The following BCAS3 variants were observed in gnomAD, a reference collection of about 807,000 sequenced individuals.
BCAS3 encodes the protein BCAS3 microtubule associated cell migration factor.
In BCAS3, 53 loss-of-function variants were observed where a neutral mutation model predicts 116.1. That is an observed-to-expected ratio of 0.46 (90% CI 0.37 to 0.57). BCAS3 has a LOEUF of 0.57. Ranked by LOEUF, BCAS3 falls within the 20% of genes least tolerant of loss-of-function variation. BCAS3 has a pLI of 0.00. For missense variants in BCAS3, 917 were observed against 1,165.4 expected (o/e 0.79, Z 3.10); for synonymous variants, 391 against 408.2 (o/e 0.96, Z 0.51).
intron 7 of BCAS3, among the ~76,000 whole-genome samples, chr17:60,809,345 G>A (rs927223023): frequency 1.3e-5 from 2 of 151,634 alleles, no homozygotes; most frequent in Admixed American, 1.3e-4. Flanking sequence ...AACAACTATT[G>A]CAGTACTCTG....
intron 22 of BCAS3, among the ~76,000 whole-genome samples, chr17:61,237,199 T>C (rs2144480357): frequency 6.6e-6 from 1 of 152,284 alleles, no homozygotes; most frequent in Non-Finnish European, 1.5e-5. Flanking sequence ...ACTCTGCAGC[T>C]AGCAAGGGGA....
chr17:61,081,109 T>C (rs1185321536), intron 21 of BCAS3, among the ~76,000 whole-genome samples: 1 of 152,254 alleles, frequency 6.6e-6, no homozygotes, highest in Non-Finnish European at 1.5e-5. Context: ...AACAGTCATT[T>C]GGTTATTTAA....
chr17:61,237,332 G>A (rs780179716), intron 22 of BCAS3, among the ~76,000 whole-genome samples: 39 of 152,196 alleles, frequency 2.6e-4, no homozygotes, highest in Non-Finnish European at 4.0e-4. Flanking sequence ...TCTGTAAAAT[G>A]CACCAATCAG....
chr17:61,137,694 G>A (rs981058860), intron 22 of BCAS3, among the ~76,000 whole-genome samples: 10 of 152,192 alleles, frequency 6.6e-5, no homozygotes, highest in Non-Finnish European at 1.3e-4. Flanking sequence ...ACTTGAACCC[G>A]GAAGGCAGAG....
intron 22 of BCAS3, among the ~76,000 whole-genome samples, chr17:61,100,574 G>GT (rs1029598924): frequency 3.3e-5 from 5 of 152,122 alleles, no homozygotes; most frequent in African/African-American, 1.2e-4. Flanking sequence ...GTTGGGTATT[G>GT]TTTTTCATTC....
At chr17:60,681,204 TA>T (rs1263447291) in intron 2 of BCAS3, among the ~76,000 whole-genome samples, 1 of 151,698 alleles carries the variant, frequency 6.6e-6, no homozygotes, top group Admixed American at 6.6e-5. Context: ...GACTGTGTCT[TA>T]AAAAAAATAT....
intron 19 of BCAS3, among the ~76,000 whole-genome samples, chr17:61,066,280 C>A (rs562885396): frequency 6.6e-6 from 1 of 152,234 alleles, no homozygotes; most frequent in African/African-American, 2.4e-5. Context: ...AAGGGTAGAA[C>A]AAGAAGAACA....
intron 13 of BCAS3, among the ~76,000 whole-genome samples, chr17:60,931,963 CT>C (rs1292562824): frequency 6.6e-6 from 1 of 151,980 alleles, no homozygotes; most frequent in African/African-American, 2.4e-5. Context: ...GGTCTAGCTA[CT>C]TGGGAGGCTG....
chr17:60,984,683 TA>T (rs1353087615), intron 14 of BCAS3, among the ~76,000 whole-genome samples: 1 of 151,944 alleles, frequency 6.6e-6, no homozygotes, highest in African/African-American at 2.4e-5. Context: ...GGGTACATAG[TA>T]GGTAGTTATA....
intron 21 of BCAS3, 54 bp downstream of exon 21, chr17:61,078,583 T>G (rs1357310059): frequency 6.9e-7 from 1 of 1,450,434 alleles, no homozygotes; most frequent in East Asian, 2.3e-5. Context: ...TATGTTCGTG[T>G]GAAATGAGCA....
rs67077498 is a variant in BCAS3 at position 60,814,269 on chromosome 17, T to TTGTGTG, written c.476+6226_476+6231dup. Among the ~76,000 whole-genome samples, 578 of 134,916 alleles carry TTGTGTG rather than the reference T, an allele frequency of 4.3e-3. 3 individuals carry two copies. Among genetic ancestry groups the TTGTGTG allele is most frequent in the Non-Finnish European group, 7.1e-3 (459 of 64,246 alleles). 88.5% of individuals were successfully genotyped at this position (134,916 alleles called of 152,430 possible). A position where few individuals can be genotyped will look rare whatever the true frequency, so the allele number is the denominator to read the frequency against. ...TTCATTAGATGTATTTCTTGGTATTTTGTGTGTGTGTGTGTGTGTGTGTGT... is the reference window on the plus strand; with the variant it reads ...TTCATTAGATGTATTTCTTGGTATTTTGTGTGTGTGTGTGTGTGTGTGTGTGTGTGT... On this transcript the variant is annotated intron_variant, in intron 7 of 23. Transcript: ENST00000407086.
chr17:60,771,025 C>G (rs1421522856), intron 6 of BCAS3, among the ~76,000 whole-genome samples: 1 of 151,448 alleles, frequency 6.6e-6, no homozygotes, highest in African/African-American at 2.4e-5. Context: ...CATGGCTGCT[C>G]TTGAACTCCT....
intron 22 of BCAS3, among the ~76,000 whole-genome samples, chr17:61,351,981 C>A (rs932572673): frequency 6.6e-6 from 1 of 152,210 alleles, no homozygotes; most frequent in South Asian, 2.1e-4. Flanking sequence ...TTTGCCAGCT[C>A]GTTGAGCTGT....
Position 60,956,026 on chromosome 17 carries a change from T to C in BCAS3, c.1221+8674T>C, listed in dbSNP as rs2061114529. Among the ~76,000 whole-genome samples, 1 of 152,248 alleles carries C rather than the reference T, an allele frequency of 6.6e-6. No individual in the cohort carries two copies. Among genetic ancestry groups the C allele is most frequent in the South Asian group, 2.1e-4 (1 of 4,834 alleles). On this transcript the variant is annotated intron_variant, in intron 14 of 23. Transcript: ENST00000407086. The surrounding 1 kb of genome is among the most constrained non-coding windows in gnomAD (Gnocchi z 4.2). Reference sequence around the variant, plus strand: ...TTACTCTTTTGTACTTATAAAAATTTACAAGGTTTTTGGGGCAGTAATTTA... The same window carrying C: ...TTACTCTTTTGTACTTATAAAAATTCACAAGGTTTTTGGGGCAGTAATTTA...
chr17:61,010,918 T>C (rs939496232), intron 15 of BCAS3, among the ~76,000 whole-genome samples: 1 of 152,012 alleles, frequency 6.6e-6, no homozygotes, highest in Non-Finnish European at 1.5e-5. Context: ...GAGTCTTAGA[T>C]GAGCTTATTT....
chr17:60,892,870 C>T (rs1025348582), intron 10 of BCAS3, among the ~76,000 whole-genome samples: 11 of 151,834 alleles, frequency 7.2e-5, no homozygotes, highest in Admixed American at 2.0e-4. Context: ...TGCGGTGAGC[C>T]GAGATCATGC....
rs1037015796 is a variant in BCAS3, at chr17:61,082,920, A to G, written c.2328-1547A>G. 6.6e-6 allele frequency among the ~76,000 whole-genome samples: 1 copy of G among 152,206 alleles called. No individual in the cohort carries two copies. The highest frequency in any genetic ancestry group is 2.4e-5 in the African/African-American group (1 of 41,464). On this transcript the variant is annotated intron_variant, in intron 21 of 23. Coordinates refer to ENST00000407086, the MANE Select transcript of BCAS3 (RefSeq NM_017679.5). This position sits in a 1 kb window ranked among gnomAD's most constrained non-coding sequence, Gnocchi z 5.1. ...GTTTTTTCTTCCTCACAACAAAAGC[A>G]TGCATTTCATAACTAGTCTGCAGTT...
intron 22 of BCAS3, among the ~76,000 whole-genome samples, chr17:61,149,915 C>T (rs929307180): frequency 2.0e-5 from 3 of 152,166 alleles, no homozygotes; most frequent in Admixed American, 1.3e-4. Context: ...TCTTTGAAGT[C>T]TCTGGCCATG....
At chr17:60,690,693 G>A (rs2034690378) in intron 4 of BCAS3, among the ~76,000 whole-genome samples, 1 of 152,050 alleles carries the variant, frequency 6.6e-6, no homozygotes, top group South Asian at 2.1e-4. Context: ...GGCTGAGGTG[G>A]GAGGATCACA....
Sources: gnomAD v4.1 joint callset for allele counts (sites outside exome capture counted in the v4.1 genomes callset) on GRCh38, gnomAD v4.1.1 for gene constraint, Gnocchi (gnomAD v3.1) non-coding constraint, MANE v1.5 for transcripts, NCBI Gene and HGNC (gene_info 2026-07-23, HGNC 2026-07-21) for gene names.